Variants in LRRC4C observed in about 807,000 individuals in gnomAD.
LRRC4C encodes leucine rich repeat containing 4C.
LRRC4C carries 5 observed loss-of-function variants against 33.6 expected under a neutral mutation model. The ratio of observed to expected loss-of-function variants is 0.15; its 90% CI spans 0.08 to 0.31. The LOEUF (loss-of-function observed/expected upper bound fraction) is 0.31, where lower values mean the gene tolerates loss of function less well. LRRC4C is among the 10% of genes least tolerant of loss of function. The pLI, the probability that LRRC4C is intolerant of heterozygous loss-of-function variation, is 1.00. For missense variants in LRRC4C, 560 were observed against 796.7 expected, an observed-to-expected ratio of 0.70 and a Z score of 3.58; for synonymous variants, 329 against 302.0, an observed-to-expected ratio of 1.09 and a Z score of -0.93.
intron 1 of LRRC4C, among the ~76,000 whole-genome samples, chr11:41,306,220 C>G (rs1205998034): frequency 6.6e-6 from 1 of 152,112 alleles, no homozygotes; most frequent in African/African-American, 2.4e-5. Context: ...CACTTTGTTT[C>G]TCTCTCTTTT....
In LRRC4C at chr11:40,158,278, G is replaced by A. The variant is rs565474127; in HGVS notation, c.-95-17425C>T. 4.6e-5 allele frequency among the ~76,000 whole-genome samples: 7 copies of A among 152,096 alleles called. No homozygotes were observed. In the South Asian group the frequency reaches 6.2e-4, roughly 14 times the overall value. ...GGACTTGGGGGGAAGAGTGGAAGCG[G>A]GGATGAAGGATAAAAGACTACAAAT... On this transcript the variant is annotated intron_variant, in intron 5 of 6. Transcript: ENST00000528697.
At chr11:40,847,363 T>C (rs929762058) in intron 2 of LRRC4C, among the ~76,000 whole-genome samples, 5 of 152,316 alleles carry the variant, frequency 3.3e-5, no homozygotes, top group Admixed American at 6.5e-5. Flanking sequence ...TGAAGGAGTG[T>C]TGAATTTTAT....
At chr11:41,123,072 G>C (rs1220920338) in intron 1 of LRRC4C, 1 of 151,902 alleles carries the variant, frequency 6.6e-6, no homozygotes, top group African/African-American at 2.4e-5. Flanking sequence ...GGAAGAACTT[G>C]AGATCATCCA....
chr11:41,328,992 C>T (rs955783364), intron 1 of LRRC4C, among the ~76,000 whole-genome samples: 4 of 152,170 alleles, frequency 2.6e-5, no homozygotes, highest in Non-Finnish European at 5.9e-5. Context: ...CCCAAATGTG[C>T]TTTAAATATA....
intron 5 of LRRC4C, among the ~76,000 whole-genome samples, chr11:40,230,355 T>C (rs1293017603): frequency 6.6e-6 from 1 of 152,198 alleles, no homozygotes; most frequent in Admixed American, 6.5e-5. Flanking sequence ...AACTTGAAAA[T>C]TGCCTTCTTA....
chr11:41,107,058 A>ATTTTTTTTTTT (rs3979485), intron 1 of LRRC4C, among the ~76,000 whole-genome samples: 2 of 141,034 alleles, frequency 1.4e-5, no homozygotes, highest in Admixed American at 7.1e-5. Flanking sequence ...TTAGGTTTTG[A>ATTTTTTTTTTT]TTTTTTTTTT....
chr11:40,199,153 C>A (rs1464286825), intron 5 of LRRC4C, among the ~76,000 whole-genome samples: 1 of 152,182 alleles, frequency 6.6e-6, no homozygotes, highest in African/African-American at 2.4e-5. Context: ...TGACAGCAAC[C>A]TCTGCCTTCT....
At chr11:40,280,877 G>A (rs1943427734) in intron 4 of LRRC4C, among the ~76,000 whole-genome samples, 2 of 152,102 alleles carry the variant, frequency 1.3e-5, no homozygotes, top group African/African-American at 4.8e-5. Flanking sequence ...ACAGACGGGG[G>A]AAAACAGAAA....
chr11:40,448,065 C>G (rs1266161368), intron 3 of LRRC4C, among the ~76,000 whole-genome samples: 1 of 152,022 alleles, frequency 6.6e-6, no homozygotes. Context: ...CTCAGTCCCC[C>G]AAAAATGCTG....
chr11:40,434,323 C>A (rs1025876995), intron 3 of LRRC4C, among the ~76,000 whole-genome samples: 2 of 152,194 alleles, frequency 1.3e-5, no homozygotes, highest in African/African-American at 4.8e-5. Flanking sequence ...TTCTCACCTA[C>A]CCTAGAGCTT....
At chr11:41,116,172 G>T (rs76340623) in intron 1 of LRRC4C, among the ~76,000 whole-genome samples, 2,956 of 152,138 alleles carry the variant, frequency 0.019, 101 homozygotes, top group African/African-American at 0.067. Flanking sequence ...CCAGCACAGA[G>T]CATTTAAGAC....
chr11:41,096,830 G>A (rs1323499516), intron 1 of LRRC4C, among the ~76,000 whole-genome samples: 1 of 152,112 alleles, frequency 6.6e-6, no homozygotes, highest in African/African-American at 2.4e-5. Context: ...GAGCAAAGAA[G>A]AGCCACTGAA....
chr11:40,445,312 A>C lies in LRRC4C; in HGVS notation c.-269-125591T>G, dbSNP rs151157842. On this transcript the variant is annotated intron_variant, in intron 3 of 6. Coordinates refer to ENST00000528697, the MANE Select transcript of LRRC4C (RefSeq NM_001258419.2). ...TGCCTGCTAAGTCATAATGTCTGGC[A>C]AAAGGCTTTTCCATGTTTATTACAT... The C allele has an allele frequency of 4.5e-4, 69 of 152,632 alleles. 1 individual carries two copies. The highest frequency in any genetic ancestry group is 1.6e-3 in the African/African-American group (65 of 41,574). The allele number at this position is 152,632 out of a possible 1,614,324, so 9.5% of individuals were successfully genotyped here.
intron 1 of LRRC4C, among the ~76,000 whole-genome samples, chr11:41,019,977 C>G (rs1038738382): frequency 2.6e-5 from 4 of 152,186 alleles, no homozygotes; most frequent in African/African-American, 9.7e-5. Context: ...TGCCTGTTCA[C>G]TCTCATGATA....
intron 3 of LRRC4C, among the ~76,000 whole-genome samples, chr11:40,594,973 T>G (rs1158039845): frequency 6.6e-6 from 1 of 152,066 alleles, no homozygotes; most frequent in African/African-American, 2.4e-5. Flanking sequence ...TAGATTCAAT[T>G]TTATGTTTTA....
At chr11:40,778,147 A>T (rs1327657644) in intron 2 of LRRC4C, among the ~76,000 whole-genome samples, 1 of 152,156 alleles carries the variant, frequency 6.6e-6, no homozygotes, top group East Asian at 1.9e-4. Context: ...GTTGTTTTAT[A>T]TGGTCTGTTG....
chr11:41,191,232 C>T (rs531959063), intron 1 of LRRC4C, among the ~76,000 whole-genome samples: 6 of 152,266 alleles, frequency 3.9e-5, no homozygotes, highest in Middle Eastern at 3.4e-3. Flanking sequence ...TAGAACCACA[C>T]TTTGCCTGGA....
intron 1 of LRRC4C, among the ~76,000 whole-genome samples, chr11:41,268,098 C>G (rs1949208580): frequency 6.6e-6 from 1 of 152,020 alleles, no homozygotes; most frequent in Non-Finnish European, 1.5e-5. Context: ...CCAATGTATA[C>G]TAACACCTGG....
At chr11:40,146,098 T>C (rs1362264227) in intron 5 of LRRC4C, among the ~76,000 whole-genome samples, 2 of 152,132 alleles carry the variant, frequency 1.3e-5, no homozygotes, top group African/African-American at 2.4e-5. Context: ...GATCTGACTC[T>C]CCAGTCTGAA....
Sources: gnomAD v4.1 joint callset for allele counts (sites outside exome capture counted in the v4.1 genomes callset) on GRCh38, gnomAD v4.1.1 for gene constraint, MANE v1.5 for transcripts, NCBI Gene and HGNC (gene_info 2026-07-23, HGNC 2026-07-21) for gene names.